STXBP6: variants seen among roughly 807,000 people sequenced by gnomAD.
STXBP6 encodes the protein syntaxin binding protein 6.
Under a neutral mutation model 26.9 loss-of-function variants are expected in STXBP6, and 21 were observed. That is an observed-to-expected ratio of 0.78 (90% CI 0.55 to 1.12). The LOEUF is 1.12. Among genes scored for constraint, STXBP6 ranks in the 50% most tolerant of loss-of-function variants. The pLI is 0.00. For synonymous variants in STXBP6, 97 were observed against 92.6 expected (o/e 1.05, Z -0.27); for missense variants, 232 against 257.9 (o/e 0.90, Z 0.69).
chr14:24,818,053 C>T (rs1268700493), intron 5 of STXBP6: 2 of 456,588 alleles, frequency 4.4e-6, no homozygotes, highest in East Asian at 6.9e-5. Context: ...ATCCTTGTTT[C>T]CTCAGCAGAA....
At chr14:24,974,559 T>G (rs1272647241) in intron 2 of STXBP6, 106 bp downstream of exon 2, 1 of 1,025,924 alleles carries the variant, frequency 9.7e-7, no homozygotes, top group Non-Finnish European at 1.4e-6. Flanking sequence ...AGCAAGACAG[T>G]GCAGACACCT....
chr14:24,949,153 T>C (rs933885032), intron 2 of STXBP6, among the ~76,000 whole-genome samples: 4 of 152,214 alleles, frequency 2.6e-5, no homozygotes, highest in African/African-American at 9.6e-5. Flanking sequence ...CATTTTATTT[T>C]ACAGACAAAT....
At chr14:24,929,863 T>G (rs545379816) in intron 2 of STXBP6, among the ~76,000 whole-genome samples, 5 of 152,330 alleles carry the variant, frequency 3.3e-5, no homozygotes, top group African/African-American at 9.6e-5. Context: ...CTTAGGAAAG[T>G]GTATCCTGGC....
At chr14:24,930,262 G>A (rs1408823299) in intron 2 of STXBP6, among the ~76,000 whole-genome samples, 2 of 152,184 alleles carry the variant, frequency 1.3e-5, no homozygotes. Flanking sequence ...AATGGGGAGA[G>A]TATTTTCATA....
At chr14:25,008,416 C>G (rs951045442) in intron 1 of STXBP6, among the ~76,000 whole-genome samples, 1 of 151,968 alleles carries the variant, frequency 6.6e-6, no homozygotes, top group African/African-American at 2.4e-5. Context: ...CCCAAGAGGT[C>G]GAGGCTGTAG....
At position 24,965,920 on chromosome 14, in the gene STXBP6, T is replaced by A. The variant is rs149124053; in HGVS notation, c.154+8745A>T. On this transcript the variant is annotated intron_variant, in intron 2 of 5. Coordinates refer to ENST00000323944, the MANE Select transcript of STXBP6 (RefSeq NM_001394410.1). ...GTGGCTTAAAACAGTGCCTTCTTGG[T>A]AGGCTGCTGTTTAGGATGTCTGCCA... Among the ~76,000 whole-genome samples the A allele has an allele frequency of 2.0e-5, 3 of 152,320 alleles. No homozygotes were observed. The East Asian group carries it at 5.8e-4, about 29-fold the overall frequency.
intron 2 of STXBP6, among the ~76,000 whole-genome samples, chr14:24,971,408 GA>G (rs1412501589): frequency 6.6e-6 from 1 of 152,112 alleles, no homozygotes; most frequent in Non-Finnish European, 1.5e-5. Flanking sequence ...TCCTAATTTG[GA>G]CAAAGTTTGC....
intron 2 of STXBP6, among the ~76,000 whole-genome samples, chr14:24,944,410 A>T (rs2072908642): frequency 6.6e-6 from 1 of 152,204 alleles, no homozygotes; most frequent in East Asian, 1.9e-4. Flanking sequence ...ATGGCGGAAA[A>T]GCCCTTACCC....
At chr14:24,923,316 T>G (rs1421258584) in intron 2 of STXBP6, among the ~76,000 whole-genome samples, 2 of 152,184 alleles carry the variant, frequency 1.3e-5, no homozygotes, top group African/African-American at 4.8e-5. Flanking sequence ...TTGATCAATG[T>G]AGCTTTAGTT....
chr14:24,965,221 T>G (rs1008967783), intron 2 of STXBP6, among the ~76,000 whole-genome samples: 17 of 151,264 alleles, frequency 1.1e-4, no homozygotes, highest in African/African-American at 3.6e-4. Flanking sequence ...GGGGAAAAAA[T>G]GTAGGGAAGG....
At chr14:24,931,142 AC>A (rs1193899767) in intron 2 of STXBP6, among the ~76,000 whole-genome samples, 4,461 of 113,574 alleles carry the variant, frequency 0.039, 428 homozygotes, top group South Asian at 0.054. Context: ...AAAAAAAAAA[AC>A]CCAAACACCA....
At chr14:24,886,081 G>A (rs1298378841) in intron 2 of STXBP6, among the ~76,000 whole-genome samples, 1 of 152,144 alleles carries the variant, frequency 6.6e-6, no homozygotes, top group Non-Finnish European at 1.5e-5. Context: ...CTTCAGCTAG[G>A]TTAGTATCTT....
chr14:24,831,958 G>A (rs570554862), intron 4 of STXBP6, among the ~76,000 whole-genome samples: 26 of 152,200 alleles, frequency 1.7e-4, no homozygotes, highest in African/African-American at 6.3e-4. Context: ...TAGAAGCCAC[G>A]TTTGCTAAAT....
At chr14:24,933,446 C>T (rs1455740909) in intron 2 of STXBP6, among the ~76,000 whole-genome samples, 2 of 151,868 alleles carry the variant, frequency 1.3e-5, no homozygotes, top group South Asian at 2.1e-4. Context: ...ATCCAGAGGT[C>T]GAAAGGGGTA....
chr14:24,857,837 G>C (rs1389813460), intron 2 of STXBP6, among the ~76,000 whole-genome samples: 1 of 151,966 alleles, frequency 6.6e-6, no homozygotes, highest in Non-Finnish European at 1.5e-5. Context: ...CTGTGCTAAA[G>C]ATGGACAGCA....
In STXBP6 at chr14:25,049,816, A is replaced by T; in HGVS notation, c.-33+62T>A. ...GCGCCCCAACAGCCGTGGCGGCTGC[A>T]ACCGCATCTCCCGGGCTTGGCCTCC... On this transcript the variant is annotated intron_variant, in intron 1 of 5. Coordinates refer to ENST00000323944, the MANE Select transcript of STXBP6 (RefSeq NM_001394410.1). The surrounding 1 kb of genome is among the most constrained non-coding windows in gnomAD (Gnocchi z 5.6). 1 of 985,772 alleles carries T rather than the reference A, an allele frequency of 1.0e-6. No individual in the cohort carries two copies. Among genetic ancestry groups the T allele is most frequent in the Non-Finnish European group, 1.2e-6 (1 of 830,320 alleles). 61.1% of individuals were successfully genotyped at this position (985,772 alleles called of 1,614,324 possible).
chr14:24,845,559 A>G (rs1240928514), intron 4 of STXBP6, among the ~76,000 whole-genome samples: 2 of 152,256 alleles, frequency 1.3e-5, no homozygotes, highest in Non-Finnish European at 2.9e-5. Context: ...AGCAGAAGTA[A>G]TATAGTCTAT....
rs369850646 is a variant in STXBP6 at position 24,849,867 on chromosome 14, T to C, written c.451+6069A>G. On this transcript the variant is annotated intron_variant, in intron 4 of 5. Transcript: ENST00000323944. ...TGTGTGCGTGCATCTCCCAAGGATA[T>C]TGAAGTTTGATCCCTAGGGGAAAAA... Among the ~76,000 whole-genome samples the C allele has an allele frequency of 1.9e-3, 292 of 152,220 alleles. 2 individuals carry two copies. The highest frequency in any genetic ancestry group is 6.6e-3 in the African/African-American group (275 of 41,566).
At chr14:25,024,823 AT>A (rs1418049388) in intron 1 of STXBP6, among the ~76,000 whole-genome samples, 1 of 152,190 alleles carries the variant, frequency 6.6e-6, no homozygotes, top group Non-Finnish European at 1.5e-5. Flanking sequence ...TTGACTATTA[AT>A]TTTAAGTGTG....
Sources: gnomAD v4.1 joint callset for allele counts (sites outside exome capture counted in the v4.1 genomes callset) on GRCh38, gnomAD v4.1.1 for gene constraint, Gnocchi (gnomAD v3.1) non-coding constraint, MANE v1.5 for transcripts, NCBI Gene and HGNC (gene_info 2026-07-23, HGNC 2026-07-21) for gene names.